PCDH11X: variants seen among roughly 807,000 people sequenced by gnomAD.
The protein encoded by PCDH11X is protocadherin 11 X-linked, also known as protocadherin-11 X-linked.
A neutral mutation model predicts 53.3 loss-of-function variants in PCDH11X; 18 were observed. The ratio of observed to expected loss-of-function variants is 0.34; its 90% CI spans 0.23 to 0.50. The LOEUF (loss-of-function observed/expected upper bound fraction) is 0.50. Among genes scored for constraint, PCDH11X ranks in the 20% least tolerant of loss-of-function variants. The probability of loss-of-function intolerance (pLI) is 0.98; values close to 1 mark genes in which losing one functional copy is unlikely to be tolerated. For synonymous variants in PCDH11X, 279 were observed against 393.3 expected, an observed-to-expected ratio of 0.71 and a Z score of 3.44; for missense variants, 570 against 1,032.4, an observed-to-expected ratio of 0.55 and a Z score of 6.14.
chrX:92,104,634 G>T (rs1444736893), intron 6 of PCDH11X, among the ~76,000 whole-genome samples: 6 of 110,730 alleles, frequency 5.4e-5, no homozygotes, highest in Admixed American at 4.8e-4. Context: ...GAATTGAAGA[G>T]GTTTTAAGTT....
At chrX:92,281,410 T>A (rs2068249456) in intron 8 of PCDH11X, among the ~76,000 whole-genome samples, 1 of 111,684 alleles carries the variant, frequency 9.0e-6, no homozygotes, top group African/African-American at 3.3e-5. Flanking sequence ...TGGGGAAAAA[T>A]TGCCAGTTAA....
chrX:92,527,285 A>G (rs1424020825), intron 10 of PCDH11X, among the ~76,000 whole-genome samples: 2 of 111,595 alleles, frequency 1.8e-5, no homozygotes, highest in Non-Finnish European at 3.8e-5. Context: ...GATTGTTTTA[A>G]ATTCAAAGGA....
At chrX:92,013,295 G>A (rs1018272023) in intron 6 of PCDH11X, among the ~76,000 whole-genome samples, 1 of 111,513 alleles carries the variant, frequency 9.0e-6, no homozygotes, top group African/African-American at 3.3e-5. Flanking sequence ...GCTTCAAAGA[G>A]AATAAAATAC....
intron 6 of PCDH11X, among the ~76,000 whole-genome samples, chrX:92,112,003 C>T (rs1188300388): frequency 2.6e-4 from 28 of 108,542 alleles, no homozygotes; most frequent in African/African-American, 9.1e-4. Context: ...GTGATCCACC[C>T]GCCTCGGCCT....
At chrX:92,216,505 A>G (rs1167252223) in intron 7 of PCDH11X, among the ~76,000 whole-genome samples, 2 of 107,457 alleles carry the variant, frequency 1.9e-5, no homozygotes, top group Non-Finnish European at 3.8e-5. Flanking sequence ...TTAGAGAAAA[A>G]AGAATAAAAA....
intron 6 of PCDH11X, among the ~76,000 whole-genome samples, chrX:92,086,968 G>A (rs2063962956): frequency 1.8e-5 from 2 of 110,353 alleles, no homozygotes; most frequent in South Asian, 8.0e-4. Flanking sequence ...AGACTATGGA[G>A]GAAGCATCAC....
intron 8 of PCDH11X, among the ~76,000 whole-genome samples, chrX:92,281,517 A>G (rs1051299195): frequency 4.4e-5 from 5 of 112,423 alleles, no homozygotes; most frequent in African/African-American, 1.6e-4. Flanking sequence ...ATTAATATAA[A>G]CTAGTCAGTA....
chrX:92,382,182 A>G (rs1159945401), intron 8 of PCDH11X, among the ~76,000 whole-genome samples: 1 of 111,768 alleles, frequency 8.9e-6, no homozygotes, highest in Non-Finnish European at 1.9e-5. Flanking sequence ...ATAGTTTGAA[A>G]TTCAAAAGAT....
At chrX:92,104,218 G>C (rs1293972001) in intron 6 of PCDH11X, among the ~76,000 whole-genome samples, 2 of 110,637 alleles carry the variant, frequency 1.8e-5, no homozygotes, top group African/African-American at 3.3e-5. Flanking sequence ...GAGGGGAGGC[G>C]ATAAAAAGAT....
At chrX:92,074,116 G>A (rs1260804793) in intron 6 of PCDH11X, among the ~76,000 whole-genome samples, 14 of 110,870 alleles carry the variant, frequency 1.3e-4, no homozygotes, top group Non-Finnish European at 1.9e-5. Context: ...AATGACCTGG[G>A]GAGCATGTTA....
intron 10 of PCDH11X, among the ~76,000 whole-genome samples, chrX:92,608,782 C>T (rs911590980): frequency 7.2e-5 from 8 of 111,030 alleles, no homozygotes; most frequent in Non-Finnish European, 1.5e-4. Context: ...ATAAAATTCA[C>T]TCATGTTCTA....
At position 92,578,187 on chromosome X, in the gene PCDH11X, A is replaced by C. The variant is rs1309553897; in HGVS notation, c.3368-40077A>C. Among the ~76,000 whole-genome samples, 4 of 93,891 alleles carry C rather than the reference A, an allele frequency of 4.3e-5. No homozygotes were observed. In the East Asian group the frequency reaches 1.2e-3, roughly 29 times the overall value. The allele number at this position is 93,891 out of a possible 115,157, so 81.5% of individuals were successfully genotyped here. Reference sequence around the variant, plus strand: ...AGAACACATGGACACAGGGAGGGGAACATCACACACTGAGGTCTATTGGGG... The same window carrying C: ...AGAACACATGGACACAGGGAGGGGACCATCACACACTGAGGTCTATTGGGG... On this transcript the variant is annotated intron_variant, in intron 10 of 10. Coordinates refer to ENST00000682573, the MANE Select transcript of PCDH11X (RefSeq NM_032968.5).
chrX:91,956,244 C>T (rs111463400), intron 6 of PCDH11X, among the ~76,000 whole-genome samples: 1,635 of 110,631 alleles, frequency 0.015, 42 homozygotes, highest in African/African-American at 0.052. Context: ...GGCATTTAGC[C>T]CATTTACATT....
rs2063369287 is a variant in PCDH11X at position 92,051,686 on chromosome X, A to G, written c.3034-149689A>G. Among the ~76,000 whole-genome samples the G allele has an allele frequency of 2.7e-5, 3 of 111,835 alleles. No homozygotes were observed. In the South Asian group the frequency reaches 1.1e-3, roughly 42 times the overall value. ...TGATATTGGTCTCAATATATCTTCAAAGAATCAAATGGGTGTGAAGTATAT... is the reference window on the plus strand; with the variant it reads ...TGATATTGGTCTCAATATATCTTCAGAGAATCAAATGGGTGTGAAGTATAT... On this transcript the variant is annotated intron_variant, in intron 6 of 10. Coordinates refer to ENST00000682573, the MANE Select transcript of PCDH11X (RefSeq NM_032968.5).
intron 6 of PCDH11X, among the ~76,000 whole-genome samples, chrX:92,017,500 T>A (rs1157865109): frequency 8.1e-5 from 8 of 98,518 alleles, no homozygotes; most frequent in Non-Finnish European, 1.6e-4. Context: ...GGAGTTCAAG[T>A]CCAGACTGGG....
intron 8 of PCDH11X, among the ~76,000 whole-genome samples, chrX:92,263,671 CA>C (rs1311753990): frequency 9.0e-6 from 1 of 111,642 alleles, no homozygotes; most frequent in Non-Finnish European, 1.9e-5. Flanking sequence ...TAGGATGGTT[CA>C]AAAGTAATTG....
chrX:92,531,522 A>C (rs1046047102), intron 10 of PCDH11X, among the ~76,000 whole-genome samples: 1 of 110,975 alleles, frequency 9.0e-6, no homozygotes, highest in Non-Finnish European at 1.9e-5. Context: ...TCATGCTATG[A>C]AAATTTCCTC....
At chrX:92,344,660 A>G (rs1298375361) in intron 8 of PCDH11X, among the ~76,000 whole-genome samples, 1 of 97,845 alleles carries the variant, frequency 1.0e-5, no homozygotes. Flanking sequence ...GGCAGAGAAA[A>G]TTAATGATGC....
chrX:92,411,269 T>A (rs772278902), intron 9 of PCDH11X, among the ~76,000 whole-genome samples: 2 of 111,300 alleles, frequency 1.8e-5, no homozygotes, highest in African/African-American at 3.3e-5. Flanking sequence ...ATTGTACTTT[T>A]AAAATTTTAC....
Sources: gnomAD v4.1 joint callset for allele counts (sites outside exome capture counted in the v4.1 genomes callset) on GRCh38, gnomAD v4.1.1 for gene constraint, MANE v1.5 for transcripts, NCBI Gene and HGNC (gene_info 2026-07-23, HGNC 2026-07-21) for gene names.